The following DGKI variants were observed in gnomAD, a reference collection of about 807,000 sequenced individuals.
The protein encoded by DGKI is diacylglycerol kinase iota.
Under a neutral mutation model 147.5 loss-of-function variants are expected in DGKI, and 55 were observed. That is an observed-to-expected ratio of 0.37 (90% CI 0.30 to 0.47). The LOEUF is 0.47. Among genes scored for constraint, DGKI ranks in the 20% least tolerant of loss-of-function variants. DGKI has a pLI of 1.00. For missense variants in DGKI, 1,007 were observed against 1,323.8 expected, an observed-to-expected ratio of 0.76 and a Z score of 3.71; for synonymous variants, 469 against 477.1, an observed-to-expected ratio of 0.98 and a Z score of 0.22.
intron 4 of DGKI, among the ~76,000 whole-genome samples, chr7:137,656,066 T>C (rs1822209295): frequency 6.6e-6 from 1 of 152,204 alleles, no homozygotes; most frequent in African/African-American, 2.4e-5. Flanking sequence ...TAGGAAGACG[T>C]AAACCACACA....
At chr7:137,550,965 A>G (rs952245591) in intron 20 of DGKI, among the ~76,000 whole-genome samples, 1 of 152,164 alleles carries the variant, frequency 6.6e-6, no homozygotes, top group Non-Finnish European at 1.5e-5. Flanking sequence ...CTGGCATGCC[A>G]CATTTTTTAA....
intron 1 of DGKI, among the ~76,000 whole-genome samples, chr7:137,755,819 C>T (rs952503309): frequency 7.2e-5 from 11 of 152,102 alleles, no homozygotes; most frequent in African/African-American, 1.9e-4. Flanking sequence ...ATCTCAGGAT[C>T]GCAGAAACTG....
At chr7:137,727,949 A>T (rs1303534351) in intron 1 of DGKI, among the ~76,000 whole-genome samples, 1 of 152,198 alleles carries the variant, frequency 6.6e-6, no homozygotes, top group African/African-American at 2.4e-5. Context: ...GCTTGGAGAC[A>T]ATCATCACAA....
Position 137,391,291 on chromosome 7 carries a change from A to G in DGKI, c.3103T>C (p.Leu1035=), listed in dbSNP as rs754391272. 1 of 1,613,512 alleles carries G rather than the reference A, an allele frequency of 6.2e-7. No individual in the cohort carries two copies. Among genetic ancestry groups the G allele is most frequent in the Non-Finnish European group, 8.5e-7 (1 of 1,179,806 alleles). ...ERAQQAGDPD[L]AAYLESRQNY... is the part of the protein sequence containing the mutation. ...TGACGGCTTTCTAGGTAAGCAGCCA[A>G]GTCTGGGTCCCCAGCCTGCTGTGCT... The change falls in exon 33 of 33, where the codon TTG becomes CTG. Residue 1035 remains leucine, a synonymous_variant. Transcript: ENST00000614521.
At chr7:137,576,905 C>G (rs1349199385) in intron 17 of DGKI, among the ~76,000 whole-genome samples, 1 of 152,206 alleles carries the variant, frequency 6.6e-6, no homozygotes, top group Non-Finnish European at 1.5e-5. Flanking sequence ...AGAGTTATCA[C>G]TTCTCCCTTT....
intron 6 of DGKI, among the ~76,000 whole-genome samples, chr7:137,643,098 TG>T (rs1370169347): frequency 1.3e-5 from 2 of 151,806 alleles, no homozygotes; most frequent in Admixed American, 1.3e-4. Flanking sequence ...GAGACCATCT[TG>T]GCTAACACGG....
At chr7:137,753,954 A>T (rs915151589) in intron 1 of DGKI, among the ~76,000 whole-genome samples, 3 of 152,170 alleles carry the variant, frequency 2.0e-5, no homozygotes, top group Admixed American at 2.0e-4. Flanking sequence ...TTACAACATT[A>T]AAAAAGAGGA....
At chr7:137,631,406 A>G (rs766166993) in intron 6 of DGKI, among the ~76,000 whole-genome samples, 7 of 152,342 alleles carry the variant, frequency 4.6e-5, no homozygotes, top group South Asian at 4.1e-4. Context: ...GGGTTTTACT[A>G]CATCTACTCT....
At chr7:137,407,821 T>G in intron 30 of DGKI, 54 bp downstream of exon 30, 1 of 1,596,456 alleles carries the variant, frequency 6.3e-7, no homozygotes, top group Non-Finnish European at 8.5e-7. Context: ...AAATGCAAAA[T>G]GCAATGGATT....
At chr7:137,428,630 CA>C (rs1246537772) in intron 28 of DGKI, among the ~76,000 whole-genome samples, 7 of 152,238 alleles carry the variant, frequency 4.6e-5, no homozygotes, top group Non-Finnish European at 8.8e-5. Context: ...TTGCAGATGA[CA>C]TGATTGTATA....
intron 1 of DGKI, among the ~76,000 whole-genome samples, chr7:137,712,685 T>G (rs1266331634): frequency 6.6e-6 from 1 of 152,180 alleles, no homozygotes; most frequent in African/African-American, 2.4e-5. Context: ...CAGGCACTCT[T>G]TGGAAGATTC....
At chr7:137,797,217 T>A (rs900462084) in intron 1 of DGKI, among the ~76,000 whole-genome samples, 1 of 152,196 alleles carries the variant, frequency 6.6e-6, no homozygotes, top group African/African-American at 2.4e-5. Flanking sequence ...TCTTCAAATT[T>A]TATGAGAAAT....
intron 27 of DGKI, among the ~76,000 whole-genome samples, chr7:137,446,250 G>A (rs374767910): frequency 1.3e-5 from 2 of 152,314 alleles, no homozygotes; most frequent in East Asian, 1.9e-4. Flanking sequence ...CCAAGGGGAC[G>A]CATTCTGCAG....
At chr7:137,568,872 A>G (rs1818683716) in intron 19 of DGKI, among the ~76,000 whole-genome samples, 1 of 151,846 alleles carries the variant, frequency 6.6e-6, no homozygotes, top group South Asian at 2.1e-4. Context: ...TATCATACTA[A>G]ATATACGAAT....
chr7:137,585,060 A>G (rs1819337891), intron 14 of DGKI, 149 bp downstream of exon 14: 5 of 851,802 alleles, frequency 5.9e-6, no homozygotes, highest in Non-Finnish European at 9.1e-6. Flanking sequence ...GTAATATTAT[A>G]CACATAGCCC....
chr7:137,420,975 C>T lies in DGKI; in HGVS notation c.2762-8768G>A, dbSNP rs150262750. ...CGGAGGTTGCAGTGAGCCGAGATCA[C>T]GCCACTGCACTCCAGCCTGAGTGAC... On this transcript the variant is annotated intron_variant, in intron 28 of 32. Coordinates refer to ENST00000614521, the MANE Select transcript of DGKI (RefSeq NM_001321708.2). Among the ~76,000 whole-genome samples the T allele has an allele frequency of 7.2e-3, 1,100 of 152,074 alleles. 10 individuals carry two copies. Among genetic ancestry groups the T allele is most frequent in the Middle Eastern group, 0.068 (20 of 294 alleles).
chr7:137,498,901 T>A (rs1018790688), intron 21 of DGKI, among the ~76,000 whole-genome samples: 1 of 152,270 alleles, frequency 6.6e-6, no homozygotes, highest in African/African-American at 2.4e-5. Flanking sequence ...AATATATTCA[T>A]TTGATAGCTA....
intron 10 of DGKI, among the ~76,000 whole-genome samples, chr7:137,600,869 G>A (rs1246316913): frequency 2.6e-5 from 4 of 152,142 alleles, no homozygotes; most frequent in Admixed American, 2.6e-4. Context: ...TCTGTCACGT[G>A]AACATTTTTG....
chr7:137,556,514 A>G (rs1646383), intron 19 of DGKI, among the ~76,000 whole-genome samples: 16,644 of 152,196 alleles, frequency 0.11, 2,054 homozygotes, highest in African/African-American at 0.3. Flanking sequence ...GATGGCTGAT[A>G]CACTGTTGAA....
Sources: allele counts gnomAD v4.1 joint callset (sites outside exome capture counted in the v4.1 genomes callset), GRCh38; gene constraint gnomAD v4.1.1; transcripts MANE v1.5; gene names NCBI Gene and HGNC (gene_info 2026-07-23, HGNC 2026-07-21).